CADM2: variants seen among roughly 807,000 people sequenced by gnomAD.
CADM2 encodes the protein immunoglobulin superfamily member 4D.
Under a neutral mutation model 49.8 loss-of-function variants are expected in CADM2, and 12 were observed. The observed-to-expected ratio is 0.24, with a 90% confidence interval of 0.15 to 0.39. The LOEUF (loss-of-function observed/expected upper bound fraction) is 0.39. CADM2 is among the 10% of genes least tolerant of loss of function. CADM2 has a pLI of 1.00. For missense variants in CADM2, 378 were observed against 492.3 expected (o/e 0.77, Z 2.20); for synonymous variants, 214 against 175.4 (o/e 1.22, Z -1.74).
chr3:85,144,620 A>AAAAGAAAG (rs60207038), intron 1 of CADM2, among the ~76,000 whole-genome samples: 29,774 of 135,920 alleles, frequency 0.22, 3,954 homozygotes, highest in East Asian at 0.43. Flanking sequence ...TCAAAAAAAA[A>AAAAGAAAG]AAAGAAAGAA....
At chr3:85,184,526 T>C (rs888246383) in intron 1 of CADM2, among the ~76,000 whole-genome samples, 1 of 152,172 alleles carries the variant, frequency 6.6e-6, no homozygotes, top group Non-Finnish European at 1.5e-5. Flanking sequence ...ATTATAGTCA[T>C]AGGCATTATA....
intron 1 of CADM2, among the ~76,000 whole-genome samples, chr3:85,133,106 C>T (rs1240103946): frequency 6.6e-6 from 1 of 152,110 alleles, no homozygotes; most frequent in Non-Finnish European, 1.5e-5. Flanking sequence ...GTCTCGCTGG[C>T]TTCCGGAGTG....
intron 7 of CADM2, among the ~76,000 whole-genome samples, chr3:85,953,124 A>T (rs1369046103): frequency 6.6e-6 from 1 of 150,458 alleles, no homozygotes; most frequent in Non-Finnish European, 1.5e-5. Flanking sequence ...TCTCTCTTCT[A>T]TATTGGTGTA....
chr3:85,547,187 G>A (rs1297903124), intron 1 of CADM2, among the ~76,000 whole-genome samples: 2 of 151,780 alleles, frequency 1.3e-5, no homozygotes, highest in Non-Finnish European at 2.9e-5. Flanking sequence ...CATTTTTTCA[G>A]GCTGGTGATA....
chr3:85,906,449 T>G (rs960459341), intron 5 of CADM2, among the ~76,000 whole-genome samples: 43 of 152,164 alleles, frequency 2.8e-4, no homozygotes, highest in Admixed American at 2.6e-3. Context: ...CATCTGACCT[T>G]TTCAGATCTA....
intron 1 of CADM2, among the ~76,000 whole-genome samples, chr3:85,459,208 C>T (rs989563768): frequency 6.6e-6 from 1 of 152,166 alleles, no homozygotes; most frequent in Non-Finnish European, 1.5e-5. Context: ...CTTTCTCTTA[C>T]AGGGGCAAGA....
intron 1 of CADM2, among the ~76,000 whole-genome samples, chr3:85,329,265 G>T (rs1224790162): frequency 6.6e-6 from 1 of 152,088 alleles, no homozygotes; most frequent in Non-Finnish European, 1.5e-5. Flanking sequence ...GGACGGGCAT[G>T]GTGGCTTAAG....
intron 1 of CADM2, among the ~76,000 whole-genome samples, chr3:85,605,054 C>T (rs1169261018): frequency 1.3e-5 from 2 of 151,956 alleles, no homozygotes; most frequent in Admixed American, 6.6e-5. Context: ...AACATTGGCA[C>T]TAATCCTTAT....
Position 85,901,949 on chromosome 3 carries a change from T to C in CADM2, c.530-10424T>C, listed in dbSNP as rs1716186933. ...AGCTAATATCATCTGTGTTGTAGCA[T>C]ATATCAGTACTTTATTCTTTATAAT... On this transcript the variant is annotated intron_variant, in intron 5 of 9. Coordinates refer to ENST00000383699, the MANE Select transcript of CADM2 (RefSeq NM_001167675.2). 2.0e-5 allele frequency among the ~76,000 whole-genome samples: 3 copies of C among 152,348 alleles called. No individual in the cohort carries two copies. The South Asian group carries it at 6.2e-4, about 32-fold the overall frequency.
At chr3:85,710,180 A>G (rs1286089917) in intron 1 of CADM2, among the ~76,000 whole-genome samples, 2 of 152,134 alleles carry the variant, frequency 1.3e-5, no homozygotes, top group East Asian at 1.9e-4. Context: ...TTACACCTTC[A>G]TAGCATAACA....
At chr3:85,887,198 C>T (rs1021256978) in intron 5 of CADM2, among the ~76,000 whole-genome samples, 19 of 151,318 alleles carry the variant, frequency 1.3e-4, no homozygotes, top group African/African-American at 3.4e-4. Flanking sequence ...GTGATTTTCC[C>T]GCCTCAGCCT....
At chr3:85,339,568 C>A (rs2045185824) in intron 1 of CADM2, among the ~76,000 whole-genome samples, 1 of 149,674 alleles carries the variant, frequency 6.7e-6, no homozygotes, top group Non-Finnish European at 1.5e-5. Context: ...TTTTTCTCAT[C>A]TTTTCTTCAG....
chr3:85,585,744 A>T (rs1206741722), intron 1 of CADM2, among the ~76,000 whole-genome samples: 2 of 152,002 alleles, frequency 1.3e-5, no homozygotes, highest in African/African-American at 4.8e-5. Context: ...AAAATAATAG[A>T]GATTTAGAGT....
intron 1 of CADM2, among the ~76,000 whole-genome samples, chr3:85,254,568 A>G (rs903001228): frequency 2.6e-5 from 4 of 152,170 alleles, no homozygotes; most frequent in East Asian, 1.9e-4. Flanking sequence ...CCTACAAACG[A>G]CAATCTTTTT....
chr3:85,486,061 G>A (rs2039400852), intron 1 of CADM2, among the ~76,000 whole-genome samples: 2 of 151,984 alleles, frequency 1.3e-5, no homozygotes, highest in Admixed American at 1.3e-4. Flanking sequence ...GGTCACAGCA[G>A]GAAACTTATT....
At chr3:85,420,934 C>G (rs999026031) in intron 1 of CADM2, among the ~76,000 whole-genome samples, 1 of 152,032 alleles carries the variant, frequency 6.6e-6, no homozygotes, top group Non-Finnish European at 1.5e-5. Flanking sequence ...GACCTCCTAA[C>G]AGCTTTGATT....
At chr3:85,437,855 A>G (rs1228845610) in intron 1 of CADM2, among the ~76,000 whole-genome samples, 1 of 152,002 alleles carries the variant, frequency 6.6e-6, no homozygotes, top group African/African-American at 2.4e-5. Flanking sequence ...CTATGTTGTT[A>G]TAAGTCACAT....
intron 1 of CADM2, among the ~76,000 whole-genome samples, chr3:85,337,920 T>C (rs780735647): frequency 4.0e-5 from 6 of 151,720 alleles, no homozygotes; most frequent in Admixed American, 2.0e-4. Flanking sequence ...ATGATTTCCA[T>C]ATTAGTATCC....
intron 1 of CADM2, among the ~76,000 whole-genome samples, chr3:85,480,823 T>A (rs2039179333): frequency 6.6e-6 from 1 of 151,802 alleles, no homozygotes; most frequent in Non-Finnish European, 1.5e-5. Flanking sequence ...ACAGCAATTA[T>A]TTTAGGACAG....
Sources: allele counts gnomAD v4.1 joint callset (sites outside exome capture counted in the v4.1 genomes callset), GRCh38; gene constraint gnomAD v4.1.1; transcripts MANE v1.5; gene names NCBI Gene and HGNC (gene_info 2026-07-23, HGNC 2026-07-21).